ELMO1: variants seen among roughly 807,000 people sequenced by gnomAD.
ELMO1 encodes the protein engulfment and cell motility 1, also known as engulfment and cell motility protein 1.
Under a neutral mutation model 98.9 loss-of-function variants are expected in ELMO1, and 26 were observed. The ratio of observed to expected loss-of-function variants is 0.26; its 90% CI spans 0.19 to 0.36. The LOEUF (loss-of-function observed/expected upper bound fraction) is 0.36. ELMO1 is among the 10% of genes least tolerant of loss of function. The pLI, the probability that ELMO1 is intolerant of heterozygous loss-of-function variation, is 1.00. For synonymous variants in ELMO1, 346 were observed against 346.0 expected (o/e 1.00, Z 0.00); for missense variants, 627 against 935.2 (o/e 0.67, Z 4.30).
chr7:36,917,452 A>G (rs1274494242), intron 16 of ELMO1, among the ~76,000 whole-genome samples: 4 of 152,240 alleles, frequency 2.6e-5, no homozygotes, highest in African/African-American at 9.6e-5. Context: ...CTAGAATATT[A>G]GAAAAATAGA....
chr7:37,035,832 G>A (rs537550381), intron 15 of ELMO1, among the ~76,000 whole-genome samples: 5 of 152,336 alleles, frequency 3.3e-5, no homozygotes, highest in African/African-American at 1.2e-4. Context: ...ATCACATGGT[G>A]TGTTAAGCAG....
intron 4 of ELMO1, among the ~76,000 whole-genome samples, chr7:37,303,838 T>C (rs566966839): frequency 1.3e-5 from 2 of 152,320 alleles, no homozygotes; most frequent in African/African-American, 4.8e-5. Flanking sequence ...GGCAGTTGCA[T>C]CTTACCAAGC....
intron 14 of ELMO1, among the ~76,000 whole-genome samples, chr7:37,126,300 A>AATATATAT (rs201860679): frequency 0.029 from 3,833 of 133,822 alleles, 72 homozygotes; most frequent in Non-Finnish European, 0.038. Context: ...GTATAATTTA[A>AATATATAT]ATATATATAT....
intron 7 of ELMO1, among the ~76,000 whole-genome samples, chr7:37,235,810 G>C (rs1794430062): frequency 6.6e-6 from 1 of 152,230 alleles, no homozygotes; most frequent in African/African-American, 2.4e-5. Context: ...GCGGGCGCCT[G>C]TAGTTCCAGC....
chr7:37,394,433 C>T (rs1473022897), intron 1 of ELMO1, among the ~76,000 whole-genome samples: 1 of 152,180 alleles, frequency 6.6e-6, no homozygotes, highest in Non-Finnish European at 1.5e-5. Flanking sequence ...GAGCCTACAC[C>T]TGGGCTGATA....
intron 16 of ELMO1, among the ~76,000 whole-genome samples, chr7:36,897,751 C>T (rs1002533983): frequency 1.3e-5 from 2 of 152,218 alleles, no homozygotes; most frequent in African/African-American, 4.8e-5. Flanking sequence ...CCTAGAGCCC[C>T]ATTCCTCTAG....
chr7:36,892,141 A>G (rs1218538569), intron 17 of ELMO1, among the ~76,000 whole-genome samples: 2 of 152,224 alleles, frequency 1.3e-5, no homozygotes, highest in African/African-American at 2.4e-5. Flanking sequence ...CGACCATTTT[A>G]TAACAACAGG....
intron 15 of ELMO1, among the ~76,000 whole-genome samples, chr7:37,070,514 T>C (rs111899592): frequency 1.3e-5 from 2 of 152,222 alleles, no homozygotes; most frequent in Admixed American, 1.3e-4. Flanking sequence ...GTGTGTGTTA[T>C]ACTTAAAACA....
At chr7:37,092,366 C>CTTTTTT (rs537388417) in intron 15 of ELMO1, among the ~76,000 whole-genome samples, 94 of 68,910 alleles carry the variant, frequency 1.4e-3, no homozygotes, top group Non-Finnish European at 1.9e-3. Flanking sequence ...TACCCATATT[C>CTTTTTT]TTTTTTTTTT....
chr7:37,233,438 C>T (rs1794292267), intron 7 of ELMO1, among the ~76,000 whole-genome samples: 1 of 152,188 alleles, frequency 6.6e-6, no homozygotes. Flanking sequence ...GACCCGGGCT[C>T]ACACCAACTC....
intron 1 of ELMO1, among the ~76,000 whole-genome samples, chr7:37,370,838 T>A (rs1325985306): frequency 6.6e-6 from 1 of 152,202 alleles, no homozygotes; most frequent in African/African-American, 2.4e-5. Flanking sequence ...GCACAACTAC[T>A]TTGGAAACAA....
chr7:37,191,076 C>A (rs528577065), intron 13 of ELMO1, among the ~76,000 whole-genome samples: 2 of 150,432 alleles, frequency 1.3e-5, no homozygotes, highest in South Asian at 2.1e-4. Flanking sequence ...GTGGTCCCAG[C>A]TACTCAGGAG....
intron 4 of ELMO1, among the ~76,000 whole-genome samples, chr7:37,278,197 C>A (rs1429841771): frequency 7.7e-6 from 1 of 129,560 alleles, no homozygotes; most frequent in East Asian, 2.5e-4. Flanking sequence ...CTTCACTAGG[C>A]TACAGTTTCC....
intron 15 of ELMO1, among the ~76,000 whole-genome samples, chr7:37,078,440 C>CTTAA (rs2129232723): frequency 6.6e-6 from 1 of 152,288 alleles, no homozygotes; most frequent in East Asian, 1.9e-4. Flanking sequence ...ATCCATCTAT[C>CTTAA]TTAATATCTC....
chr7:37,236,232 T>TG (rs1204890254), intron 7 of ELMO1, among the ~76,000 whole-genome samples: 2 of 152,134 alleles, frequency 1.3e-5, no homozygotes, highest in African/African-American at 2.4e-5. Context: ...GCAAGGACTT[T>TG]GGGAAAAAAA....
chr7:37,376,328 A>G (rs372239340), intron 1 of ELMO1, among the ~76,000 whole-genome samples: 3 of 152,158 alleles, frequency 2.0e-5, no homozygotes, highest in Non-Finnish European at 4.4e-5. Context: ...AAAGCTAACT[A>G]TGGGAGGGGC....
chr7:37,040,557 C>T lies in ELMO1; in HGVS notation c.1301-27122G>A, dbSNP rs2129194458. Among the ~76,000 whole-genome samples, 4 of 152,290 alleles carry T rather than the reference C, an allele frequency of 2.6e-5. No individual in the cohort carries two copies. In the Middle Eastern group the frequency reaches 0.014, roughly 518 times the overall value. On this transcript the variant is annotated intron_variant, in intron 15 of 21. Transcript: ENST00000310758. The stretch of plus-strand genomic sequence containing the variant: ...CAGAACTCTGTGGATGCCAAATCCC[C>T]ACTCCTCCCCAGTGTACGGCTTTGT...
At chr7:37,278,556 T>C (rs1014838589) in intron 4 of ELMO1, among the ~76,000 whole-genome samples, 1 of 152,122 alleles carries the variant, frequency 6.6e-6, no homozygotes, top group Non-Finnish European at 1.5e-5. Flanking sequence ...CGAGGGTACC[T>C]TGAAGGAACA....
intron 1 of ELMO1, among the ~76,000 whole-genome samples, chr7:37,425,250 C>G (rs1294297807): frequency 6.6e-6 from 1 of 152,130 alleles, no homozygotes; most frequent in Admixed American, 6.5e-5. Context: ...GACAACTTCC[C>G]GTTATGTCTC....
Sources: gnomAD v4.1 joint callset for allele counts (sites outside exome capture counted in the v4.1 genomes callset) on GRCh38, gnomAD v4.1.1 for gene constraint, MANE v1.5 for transcripts, NCBI Gene and HGNC (gene_info 2026-07-23, HGNC 2026-07-21) for gene names.